The following MBOAT2 variants were observed in gnomAD, a reference collection of about 807,000 sequenced individuals.
The protein encoded by MBOAT2 is membrane bound glycerophospholipid O-acyltransferase 2, also known as membrane-bound glycerophospholipid O-acyltransferase 2.
In MBOAT2, 28 loss-of-function variants were observed where a neutral mutation model predicts 63.4. The ratio of observed to expected loss-of-function variants is 0.44; its 90% CI spans 0.33 to 0.61. The LOEUF (loss-of-function observed/expected upper bound fraction) is 0.61. MBOAT2 is among the 20% of genes least tolerant of loss of function. The probability of loss-of-function intolerance (pLI) is 0.03; values close to 1 mark genes in which losing one functional copy is unlikely to be tolerated. For synonymous variants in MBOAT2, 211 were observed against 215.6 expected, an observed-to-expected ratio of 0.98 and a Z score of 0.19; for missense variants, 470 against 605.8, an observed-to-expected ratio of 0.78 and a Z score of 2.35.
chr2:8,875,054 TGTTTCA>T (rs1411205370), intron 7 of MBOAT2, among the ~76,000 whole-genome samples: 3 of 152,166 alleles, frequency 2.0e-5, no homozygotes, highest in Admixed American at 6.5e-5. Flanking sequence ...TTTTGGTCCT[TGTTTCA>T]GCAGCCAAAC....
chr2:8,909,855 C>T (rs574656398), intron 3 of MBOAT2, among the ~76,000 whole-genome samples: 1 of 152,294 alleles, frequency 6.6e-6, no homozygotes, highest in Admixed American at 6.5e-5. Context: ...ATGTGGCAGA[C>T]TGCACTTTCC....
intron 1 of MBOAT2, among the ~76,000 whole-genome samples, chr2:8,976,889 G>A (rs971794731): frequency 1.3e-5 from 2 of 152,126 alleles, no homozygotes; most frequent in African/African-American, 4.8e-5. Flanking sequence ...ACAACAGCAT[G>A]GATGAATCTC....
chr2:8,895,063 G>GC (rs1157600262), intron 4 of MBOAT2, among the ~76,000 whole-genome samples: 1 of 152,244 alleles, frequency 6.6e-6, no homozygotes, highest in African/African-American at 2.4e-5. Context: ...CCTCATAAAG[G>GC]CGGTGGGGAC....
chr2:8,909,435 T>G (rs1216683112), intron 3 of MBOAT2, among the ~76,000 whole-genome samples: 4 of 152,120 alleles, frequency 2.6e-5, no homozygotes, highest in Non-Finnish European at 4.4e-5. Context: ...CCGAAACAAT[T>G]CTATGTGGAT....
At chr2:8,904,163 C>G (rs540416874) in intron 4 of MBOAT2, among the ~76,000 whole-genome samples, 2 of 151,780 alleles carry the variant, frequency 1.3e-5, no homozygotes, top group African/African-American at 4.8e-5. Flanking sequence ...TTAGTAGAGA[C>G]GAGTTTTGCC....
At chr2:8,967,317 C>T (rs1670064016) in intron 1 of MBOAT2, among the ~76,000 whole-genome samples, 2 of 152,226 alleles carry the variant, frequency 1.3e-5, no homozygotes, top group South Asian at 4.2e-4. Flanking sequence ...TTTTATTAAA[C>T]CTTATGTATT....
chr2:8,982,777 G>C (rs1432419566), intron 1 of MBOAT2, among the ~76,000 whole-genome samples: 2 of 152,162 alleles, frequency 1.3e-5, no homozygotes, highest in East Asian at 3.9e-4. Context: ...TAGAGATGCA[G>C]AGGAGAATAA....
chr2:8,951,361 C>T (rs565089521), intron 2 of MBOAT2, among the ~76,000 whole-genome samples: 1 of 152,210 alleles, frequency 6.6e-6, no homozygotes, highest in Admixed American at 6.5e-5. Context: ...TGTGTCACCA[C>T]ACCTGGCTAA....
chr2:8,901,498 C>CATG (rs1011712600), intron 4 of MBOAT2, among the ~76,000 whole-genome samples: 4 of 152,062 alleles, frequency 2.6e-5, no homozygotes, highest in African/African-American at 2.4e-5. Flanking sequence ...GGACTTTACC[C>CATG]ATGTACTATA....
chr2:8,927,370 A>G (rs139310548), intron 3 of MBOAT2, among the ~76,000 whole-genome samples: 8 of 152,330 alleles, frequency 5.3e-5, no homozygotes, highest in African/African-American at 1.9e-4. Context: ...GTGGGGACAG[A>G]GATAAAGTGA....
intron 1 of MBOAT2, among the ~76,000 whole-genome samples, chr2:8,996,855 T>G (rs1359863752): frequency 6.6e-6 from 1 of 152,196 alleles, no homozygotes; most frequent in Non-Finnish European, 1.5e-5. Context: ...CGTATAACAT[T>G]AAGCAGAATG....
At chr2:8,867,769 T>C (rs1222586283) in intron 9 of MBOAT2, among the ~76,000 whole-genome samples, 4 of 152,246 alleles carry the variant, frequency 2.6e-5, no homozygotes, top group Non-Finnish European at 5.9e-5. Flanking sequence ...ACCATTATCT[T>C]GGATTAACAA....
intron 1 of MBOAT2, among the ~76,000 whole-genome samples, chr2:8,977,050 A>C (rs566589303): frequency 3.9e-5 from 6 of 152,234 alleles, no homozygotes; most frequent in Non-Finnish European, 5.9e-5. Context: ...AGGGAGAGGC[A>C]GGAGGGAGAC....
chr2:8,867,132 G>A (rs1477841714), intron 9 of MBOAT2, among the ~76,000 whole-genome samples: 1 of 152,034 alleles, frequency 6.6e-6, no homozygotes, highest in Non-Finnish European at 1.5e-5. Context: ...ACGGCTCACT[G>A]CAGCCTGCTG....
chr2:8,944,435 A>T (rs1668265325), intron 2 of MBOAT2, among the ~76,000 whole-genome samples: 1 of 152,202 alleles, frequency 6.6e-6, no homozygotes, highest in Non-Finnish European at 1.5e-5. Flanking sequence ...CTCTAAATCT[A>T]GTTTAAACTA....
intron 5 of MBOAT2, among the ~76,000 whole-genome samples, chr2:8,883,971 C>CCAA (rs1310326116): frequency 6.6e-6 from 1 of 151,146 alleles, no homozygotes; most frequent in Non-Finnish European, 1.5e-5. Context: ...GCTTGTAATC[C>CCAA]CAGTACTTTG....
At chr2:8,995,837 C>G (rs754698660) in intron 1 of MBOAT2, among the ~76,000 whole-genome samples, 3 of 152,102 alleles carry the variant, frequency 2.0e-5, no homozygotes, top group Non-Finnish European at 2.9e-5. Flanking sequence ...GTGATCCGCC[C>G]GCCTCGGCCT....
chr2:8,888,036 C>A lies in MBOAT2; in HGVS notation c.433G>T (p.Ala145Ser), dbSNP rs776086490. The change falls in exon 5 of 13, where the codon GCT becomes TCT. Residue 145 changes from alanine to serine, a missense_variant. Coordinates refer to ENST00000305997, the MANE Select transcript of MBOAT2 (RefSeq NM_138799.4). ...TTCTTACCATCATGAATTTCGCAAG[C>A]CAAACTAGTGATCTTCTGAGTAATG... ...MIITQKITSL[A>S]CEIHDGMFRK... 1.3e-5 allele frequency: 21 copies of A among 1,613,286 alleles called. No homozygotes were observed. The South Asian group carries it at 2.0e-4, about 15-fold the overall frequency.
At position 8,913,169 on chromosome 2, in the gene MBOAT2, T is replaced by G. The variant is rs191979747; in HGVS notation, c.300-4453A>C. Among the ~76,000 whole-genome samples, 514 of 152,212 alleles carry G rather than the reference T, an allele frequency of 3.4e-3. 1 individual carries two copies. Among genetic ancestry groups the G allele is most frequent in the African/African-American group, 0.012 (478 of 41,540 alleles). ...TGAAACTGCATCCTCATCTCTCACC[T>G]TATACAAAAATCAACTCAAGATGGA... On this transcript the variant is annotated intron_variant, in intron 3 of 12. Transcript: ENST00000305997.
Sources: gnomAD v4.1 joint callset for allele counts (sites outside exome capture counted in the v4.1 genomes callset) on GRCh38, gnomAD v4.1.1 for gene constraint, MANE v1.5 for transcripts, NCBI Gene and HGNC (gene_info 2026-07-23, HGNC 2026-07-21) for gene names.